RANBP10: variants seen among roughly 807,000 people sequenced by gnomAD.
RANBP10 encodes ran-binding protein 10.
Under a neutral mutation model 72.8 loss-of-function variants are expected in RANBP10, and 24 were observed. That is an observed-to-expected ratio of 0.33 (90% CI 0.24 to 0.46). The LOEUF (loss-of-function observed/expected upper bound fraction) is 0.46, where lower values mean the gene tolerates loss of function less well. Among genes scored for constraint, RANBP10 ranks in the 20% least tolerant of loss-of-function variants. The probability of loss-of-function intolerance (pLI) is 1.00; values close to 1 mark genes in which losing one functional copy is unlikely to be tolerated. For missense variants in RANBP10, 679 were observed against 817.5 expected (o/e 0.83, Z 2.07); for synonymous variants, 310 against 322.3 (o/e 0.96, Z 0.41).
Position 67,727,736 on chromosome 16 carries a change from C to G in RANBP10, c.1620+15G>C, listed in dbSNP as rs371016946. ...AATGGGGCCTGCTCTGCATGAGGCC[C>G]GGCTCATCCTGTACCTGCAGCATCT... On this transcript the variant is annotated intron_variant, in intron 12 of 13. Coordinates refer to ENST00000317506, the MANE Select transcript of RANBP10 (RefSeq NM_020850.3). 13 of 1,613,836 alleles carry G rather than the reference C, an allele frequency of 8.1e-6. No homozygotes were observed. The highest frequency in any genetic ancestry group is 6.7e-5 in the African/African-American group (5 of 74,906).
chr16:67,771,915 T>G, intron 3 of RANBP10, 119 bp downstream of exon 3: 1 of 1,165,784 alleles, frequency 8.6e-7, no homozygotes, highest in Non-Finnish European at 1.2e-6. Flanking sequence ...ACCAGTAGCA[T>G]GGCTTGAGGT....
chr16:67,797,675 T>C (rs2055157616), intron 2 of RANBP10, among the ~76,000 whole-genome samples: 3 of 152,060 alleles, frequency 2.0e-5, no homozygotes, highest in Non-Finnish European at 4.4e-5. Flanking sequence ...CCAGGTGTCA[T>C]GGCACACGCC....
At chr16:67,741,279 G>A (rs745331811) in intron 4 of RANBP10, among the ~76,000 whole-genome samples, 12 of 152,290 alleles carry the variant, frequency 7.9e-5, no homozygotes, top group Non-Finnish European at 1.0e-4. Context: ...GCCCAACTCT[G>A]CCTCACAATG....
chr16:67,744,990 AT>A (rs998190216), intron 3 of RANBP10, among the ~76,000 whole-genome samples: 341 of 144,876 alleles, frequency 2.4e-3, no homozygotes, highest in African/African-American at 2.9e-3. Flanking sequence ...CGCCCGGCTA[AT>A]TTTTTTTTTT....
chr16:67,760,072 C>T (rs1327481722), intron 3 of RANBP10, among the ~76,000 whole-genome samples: 1 of 151,226 alleles, frequency 6.6e-6, no homozygotes, highest in East Asian at 1.9e-4. Flanking sequence ...TGCACTCCAG[C>T]CTAGGTGACA....
intron 4 of RANBP10, among the ~76,000 whole-genome samples, chr16:67,743,619 A>G (rs756051257): frequency 6.6e-6 from 1 of 152,022 alleles, no homozygotes; most frequent in Non-Finnish European, 1.5e-5. Context: ...GTACTAATCC[A>G]GCCATTTTCT....
chr16:67,791,720 G>A (rs975302662), intron 2 of RANBP10, among the ~76,000 whole-genome samples: 5 of 152,238 alleles, frequency 3.3e-5, no homozygotes, highest in Admixed American at 3.3e-4. Context: ...ACCTGCCCCA[G>A]AAAAGAAATC....
At chr16:67,797,462 A>G (rs777454809) in intron 2 of RANBP10, among the ~76,000 whole-genome samples, 5 of 152,164 alleles carry the variant, frequency 3.3e-5, no homozygotes, top group Non-Finnish European at 5.9e-5. Flanking sequence ...TGAGCGTAGG[A>G]GTTCCAGACC....
At position 67,737,233 on chromosome 16, in the gene RANBP10, C is replaced by A. The variant is rs1017290990; in HGVS notation, c.591+780G>T. The stretch of plus-strand genomic sequence containing the variant: ...TTTTTTTTTTTGAGACGGAGGCTCG[C>A]TCTGTCGCCCAGGCTGAAGTGCAGT... On this transcript the variant is annotated intron_variant, in intron 5 of 13. Transcript: ENST00000317506. Among the ~76,000 whole-genome samples the A allele has an allele frequency of 1.3e-4, 17 of 128,368 alleles. 1 individual carries two copies. Among genetic ancestry groups the A allele is most frequent in the African/African-American group, 5.4e-4 (17 of 31,610 alleles). The allele number at this position is 128,368 out of a possible 152,430, so 84.2% of individuals were successfully genotyped here.
chr16:67,773,276 A>T (rs1168534828), intron 2 of RANBP10, among the ~76,000 whole-genome samples: 2 of 152,178 alleles, frequency 1.3e-5, no homozygotes, highest in Admixed American at 6.5e-5. Context: ...CGTTGTTGCC[A>T]TGTGACATGC....
At position 67,728,418 on chromosome 16, in the gene RANBP10, C is replaced by G. The variant is rs1379265839; in HGVS notation, c.1446G>C (p.Glu482Asp). ...TGCTGGACTCATCCGTCTGCAGGTC[C>G]TCATGCTTGTAGGCACCATTAACAA... Reference protein sequence around the residue: ...TRIVNGAYKHEDLQTDESSMD... With the variant: ...TRIVNGAYKHDDLQTDESSMD... The change falls in exon 11 of 14, where the codon GAG becomes GAC. Residue 482 changes from glutamate to aspartate, a missense_variant. Physicochemically the swap from Glu to Asp is conservative, Grantham distance 45 (BLOSUM62 2). Coordinates refer to ENST00000317506, the MANE Select transcript of RANBP10 (RefSeq NM_020850.3). The G allele has an allele frequency of 3.7e-6, 6 of 1,614,182 alleles. No homozygotes were observed. In the Admixed American group the frequency reaches 1.0e-4, roughly 27 times the overall value.
intron 2 of RANBP10, among the ~76,000 whole-genome samples, chr16:67,787,056 T>C (rs1451823470): frequency 6.6e-6 from 1 of 152,016 alleles, no homozygotes; most frequent in Non-Finnish European, 1.5e-5. Context: ...CTGGCCAACA[T>C]GGTGAAACCC....
chr16:67,756,283 C>A (rs571725798), intron 3 of RANBP10, among the ~76,000 whole-genome samples: 1 of 152,348 alleles, frequency 6.6e-6, no homozygotes, highest in African/African-American at 2.4e-5. Context: ...ATGGAGAACA[C>A]TCCTACTGCT....
chr16:67,756,367 C>T (rs902333221), intron 3 of RANBP10, among the ~76,000 whole-genome samples: 1 of 152,242 alleles, frequency 6.6e-6, no homozygotes, highest in African/African-American at 2.4e-5. Context: ...GCCTGACCAC[C>T]AGGTTCTGGT....
intron 3 of RANBP10, among the ~76,000 whole-genome samples, chr16:67,749,894 C>T (rs1420020061): frequency 6.6e-6 from 1 of 152,108 alleles, no homozygotes; most frequent in Non-Finnish European, 1.5e-5. Context: ...CTGTGGTGGC[C>T]CCAGGCATGC....
chr16:67,728,651 T>G, intron 10 of RANBP10, 140 bp from the exon 11 acceptor site: 2 of 1,474,282 alleles, frequency 1.4e-6, no homozygotes, highest in African/African-American at 1.4e-5. Context: ...AGCTCAGGCT[T>G]CCAAGTCTTC....
Position 67,735,008 on chromosome 16 carries a change from G to C in RANBP10, c.626C>G (p.Pro209Arg). The change falls in exon 6 of 14, where the codon CCT (proline) becomes CGT (arginine). Residue 209 changes from proline (P) to arginine (R), a missense_variant. Physicochemically the swap from Pro to Arg is moderately radical, Grantham distance 103 (BLOSUM62 -2). Coordinates refer to ENST00000317506, the MANE Select transcript of RANBP10 (RefSeq NM_020850.3). Reference sequence around the variant, plus strand: ...AAAGTTGGCGTCCACAATCTCCCCAGGTGTCTGCAGGCCTACGGTGGGGTA... The same window carrying C: ...AAAGTTGGCGTCCACAATCTCCCCACGTGTCTGCAGGCCTACGGTGGGGTA... ...NLYPTVGLQTPGEIVDANFGQ... is the reference protein window; with the variant it reads ...NLYPTVGLQTRGEIVDANFGQ... 1.2e-6 allele frequency: 2 copies of C among 1,612,570 alleles called. No homozygotes were observed. The highest frequency in any genetic ancestry group is 1.7e-6 in the Non-Finnish European group (2 of 1,179,048).
intron 13 of RANBP10, among the ~76,000 whole-genome samples, chr16:67,726,942 T>C (rs527602095): frequency 2.0e-5 from 3 of 152,264 alleles, no homozygotes; most frequent in East Asian, 1.9e-4. Context: ...CTGGGGCCAA[T>C]TGGGGTGGGG....
At chr16:67,727,980 G>A in intron 11 of RANBP10, 84 bp from the exon 12 acceptor site, 1 of 1,474,306 alleles carries the variant, frequency 6.8e-7, no homozygotes, top group Non-Finnish European at 9.3e-7. Flanking sequence ...AGGACCCCGG[G>A]TGGGCTGCAG....
Sources: allele counts gnomAD v4.1 joint callset (sites outside exome capture counted in the v4.1 genomes callset), GRCh38; gene constraint gnomAD v4.1.1; transcripts MANE v1.5; gene names NCBI Gene and HGNC (gene_info 2026-07-23, HGNC 2026-07-21).